Variants in SKOR2 observed in about 807,000 individuals in gnomAD.
SKOR2 encodes the protein SKI family transcriptional corepressor 2, also known as LBX1 corepressor 1-like protein.
SKOR2 carries 47 observed loss-of-function variants against 69.1 expected under a neutral mutation model. The ratio of observed to expected loss-of-function variants is 0.68; its 90% CI spans 0.54 to 0.87. The LOEUF is 0.87. Ranked by LOEUF, SKOR2 falls within the 40% of genes least tolerant of loss-of-function variation. The probability of loss-of-function intolerance (pLI) is 0.00; values close to 1 mark genes in which losing one functional copy is unlikely to be tolerated. For missense variants in SKOR2, 1,404 were observed against 1,472.2 expected, an observed-to-expected ratio of 0.95 and a Z score of 0.76; for synonymous variants, 717 against 672.6, an observed-to-expected ratio of 1.07 and a Z score of -1.02.
At chr18:47,237,740 C>A (rs969869771) in intron 4 of SKOR2, among the ~76,000 whole-genome samples, 1 of 150,134 alleles carries the variant, frequency 6.7e-6, no homozygotes, top group Non-Finnish European at 1.5e-5. Flanking sequence ...CTCTGTTGCC[C>A]AGGCTGGAGT....
chr18:47,232,286 G>C (rs993789239), intron 4 of SKOR2, among the ~76,000 whole-genome samples: 2 of 152,056 alleles, frequency 1.3e-5, no homozygotes, highest in African/African-American at 4.8e-5. Context: ...ACTATATTGC[G>C]CATAAAGGTT....
intron 6 of SKOR2, among the ~76,000 whole-genome samples, chr18:47,228,688 T>C (rs1039295411): frequency 1.8e-4 from 28 of 152,186 alleles, no homozygotes; most frequent in African/African-American, 6.5e-4. Context: ...ATGCCTCTCA[T>C]TGGGGGCAAG....
At chr18:47,227,654 G>C (rs2064183451) in intron 6 of SKOR2, among the ~76,000 whole-genome samples, 2 of 152,188 alleles carry the variant, frequency 1.3e-5, no homozygotes, top group African/African-American at 4.8e-5. Flanking sequence ...TTGGACCCAA[G>C]TTTAGAAATG....
rs775061468 is a variant in SKOR2 at position 47,244,944 on chromosome 18, CAG to C, written c.2714_2715del (p.Ser905Ter). On this transcript the variant is annotated frameshift_variant, in exon 4 of 9. Transcript: ENST00000425639. LOFTEE classifies it high-confidence loss of function. ...CTCCAAAAATCTCCTCCAGAAGCAT[CAG>C]AGTCTGTGATGAAAAAGCTATGCTC... The part of the protein sequence containing the change: ...NKEHSFFITD[S>X]DASGGDFWRE... 5 of 1,535,836 alleles carry C rather than the reference CAG, an allele frequency of 3.3e-6. No individual in the cohort carries two copies. The highest frequency in any genetic ancestry group is 1.7e-4 in the Middle Eastern group (1 of 5,990).
intron 6 of SKOR2, among the ~76,000 whole-genome samples, chr18:47,223,468 C>G (rs1165900327): frequency 6.6e-6 from 1 of 152,112 alleles, no homozygotes; most frequent in Non-Finnish European, 1.5e-5. Context: ...AAAGTTCATA[C>G]CCTTTAACAC....
rs2064274492 is a variant in SKOR2 at position 47,246,601 on chromosome 18, T to A, written c.2583A>T (p.Pro861=). Residue 861 remains proline (P), a synonymous_variant, in exon 2 of 9, where the codon CCA becomes CCT. Transcript: ENST00000425639. ...SSSPGSPVHH[P]SLEEQPSYKD... ...TGTAGGAGGGCTGCTCCTCCAGTGA[T>A]GGATGGTGAACTGGGCTGCCCGGGC... 6.6e-7 allele frequency: 1 copy of A among 1,523,960 alleles called. No individual in the cohort carries two copies. The highest frequency in any genetic ancestry group is 1.4e-5 in the African/African-American group (1 of 71,120). The allele number at this position is 1,523,960 out of a possible 1,614,324, so 94.4% of individuals were successfully genotyped here. A position where few individuals can be genotyped will look rare whatever the true frequency, so the allele number is the denominator to read the frequency against.
intron 6 of SKOR2, among the ~76,000 whole-genome samples, chr18:47,226,820 C>T (rs1041863524): frequency 6.6e-6 from 1 of 152,186 alleles, no homozygotes; most frequent in Non-Finnish European, 1.5e-5. Flanking sequence ...CTCTCCACAA[C>T]CCCAAGAGGT....
rs1248999695 is a variant in SKOR2, at chr18:47,229,924, T to C, written c.2917+535A>G. ...TTCAGAATGGAATTTTAACATTAAA[T>C]ATGGATGGGAAATCTAAAACTACTA... On this transcript the variant is annotated intron_variant, in intron 6 of 8. Transcript: ENST00000425639. 2.0e-5 allele frequency among the ~76,000 whole-genome samples: 3 copies of C among 152,172 alleles called. No homozygotes were observed. In the South Asian group the frequency reaches 6.2e-4, roughly 31 times the overall value.
intron 8 of SKOR2, among the ~76,000 whole-genome samples, chr18:47,207,980 T>C (rs2064117865): frequency 6.6e-6 from 1 of 152,106 alleles, no homozygotes; most frequent in South Asian, 2.1e-4. Flanking sequence ...ACGTGGCCCC[T>C]TTCTGGGAAA....
Position 47,251,356 on chromosome 18 carries a change from G to C in SKOR2, c.-48+18C>G, listed in dbSNP as rs1004364393. Reference sequence around the variant, plus strand: ...AGCAAGCTGTGTGCCGGATTGGGGCGGCCGGTTCCGGCAATACCTGGTAAC... The same window carrying C: ...AGCAAGCTGTGTGCCGGATTGGGGCCGCCGGTTCCGGCAATACCTGGTAAC... On this transcript the variant is annotated intron_variant, in intron 1 of 8. Transcript: ENST00000425639. The C allele has an allele frequency of 2.6e-5, 4 of 152,216 alleles. No individual in the cohort carries two copies. Among genetic ancestry groups the C allele is most frequent in the Non-Finnish European group, 5.9e-5 (4 of 68,068 alleles). 9.4% of individuals were successfully genotyped at this position (152,216 alleles called of 1,614,324 possible). A position where few individuals can be genotyped will look rare whatever the true frequency, so the allele number is the denominator to read the frequency against.
intron 7 of SKOR2, among the ~76,000 whole-genome samples, chr18:47,215,196 A>T (rs1326262612): frequency 6.6e-6 from 1 of 152,210 alleles, no homozygotes; most frequent in Non-Finnish European, 1.5e-5. Context: ...GTCTACTGCT[A>T]GAGAATTTTA....
chr18:47,229,474 T>C (rs1161913158), intron 6 of SKOR2, among the ~76,000 whole-genome samples: 3 of 152,008 alleles, frequency 2.0e-5, no homozygotes, highest in African/African-American at 7.3e-5. Context: ...ACCAATATGG[T>C]GAAACTCTGC....
chr18:47,220,371 T>G (rs1458486356), intron 6 of SKOR2, among the ~76,000 whole-genome samples: 1 of 152,144 alleles, frequency 6.6e-6, no homozygotes, highest in Non-Finnish European at 1.5e-5. Flanking sequence ...CAAGAGTCAG[T>G]AGGGCAGGCC....
rs2064264739 is a variant in SKOR2, at chr18:47,244,952, G to A, written c.2708C>T (p.Thr903Ile). 6.5e-7 allele frequency: 1 copy of A among 1,535,634 alleles called. No homozygotes were observed. Among genetic ancestry groups the A allele is most frequent in the Non-Finnish European group, 8.7e-7 (1 of 1,146,632 alleles). Residue 903 changes from threonine (T) to isoleucine (I), a missense_variant, in exon 4 of 9, where the codon ACA becomes ATA. Physicochemically the swap from Thr to Ile is moderately conservative, Grantham distance 89 (BLOSUM62 -1). Transcript: ENST00000425639. ...DKNKEHSFFITDSDASGGDFW... is the reference protein window; with the variant it reads ...DKNKEHSFFIIDSDASGGDFW... ...ATCTCCTCCAGAAGCATCAGAGTCTGTGATGAAAAAGCTATGCTCCTTGTT... is the reference window on the plus strand; with the variant it reads ...ATCTCCTCCAGAAGCATCAGAGTCTATGATGAAAAAGCTATGCTCCTTGTT...
Position 47,248,450 on chromosome 18 carries a change from G to A in SKOR2, c.734C>T (p.Pro245Leu). The A allele has an allele frequency of 6.5e-7, 1 of 1,535,624 alleles. No homozygotes were observed. The highest frequency in any genetic ancestry group is 8.7e-7 in the Non-Finnish European group (1 of 1,146,478). The change falls in exon 2 of 9, where the codon CCC becomes CTC. Residue 245 changes from proline to leucine, a missense_variant. Pro to Leu is a moderately conservative substitution (Grantham distance 98). Coordinates refer to ENST00000425639, the MANE Select transcript of SKOR2 (RefSeq NM_001278063.4). This position sits in a 1 kb window ranked among gnomAD's most constrained non-coding sequence, Gnocchi z 6.4. ...GCAGGCGGGGTGCGCGCCCGGCTGG[G>A]GCAGTGCGCGCTTGCGGCTGCCGCC... is the stretch of plus-strand genomic sequence containing the variant. ...FNGGSRKRAL[P>L]QPGAHPACHP...
rs1286268922 is a variant in SKOR2 at position 47,247,342 on chromosome 18, G to A, written c.1842C>T (p.Gly614=). 4.1e-6 allele frequency: 6 copies of A among 1,473,256 alleles called. No individual in the cohort carries two copies. Among genetic ancestry groups the A allele is most frequent in the African/African-American group, 1.5e-5 (1 of 68,476 alleles). 91.3% of individuals were successfully genotyped at this position (1,473,256 alleles called of 1,614,324 possible). A position where few individuals can be genotyped will look rare whatever the true frequency, so the allele number is the denominator to read the frequency against. ...HPHLLEGRKA[G]GGSYHHSSAF... ...CGCTGGAATGGTGGTAGCTGCCACC[G>A]CCCGCTTTGCGCCCCTCCAGAAGGT... The change falls in exon 2 of 9, where the codon GGC becomes GGT. Residue 614 remains glycine (G), a synonymous_variant. Coordinates refer to ENST00000425639, the MANE Select transcript of SKOR2 (RefSeq NM_001278063.4). This position sits in a 1 kb window ranked among gnomAD's most constrained non-coding sequence, Gnocchi z 6.6.
At position 47,230,887 on chromosome 18, in the gene SKOR2, G is replaced by A. The variant is rs376656468; in HGVS notation, c.2818+48C>T. 1.5e-4 allele frequency: 229 copies of A among 1,498,146 alleles called. No homozygotes were observed. The African/African-American group carries it at 2.7e-3, about 18-fold the overall frequency. 92.8% of individuals were successfully genotyped at this position (1,498,146 alleles called of 1,614,324 possible). On this transcript the variant is annotated intron_variant, in intron 5 of 8. Transcript: ENST00000425639. ...AAAATATCCTCCTATTATCTCCACA[G>A]TCGTTTAAAGCTAAGAGAAGTTCTA...
intron 6 of SKOR2, among the ~76,000 whole-genome samples, chr18:47,224,364 A>T (rs998870382): frequency 6.6e-6 from 1 of 152,248 alleles, no homozygotes; most frequent in Non-Finnish European, 1.5e-5. Flanking sequence ...ACTGAAGTGC[A>T]GCATGTCAGC....
intron 7 of SKOR2, among the ~76,000 whole-genome samples, chr18:47,219,043 A>G (rs1052683557): frequency 1.3e-5 from 2 of 152,222 alleles, no homozygotes; most frequent in African/African-American, 4.8e-5. Context: ...AAGGAACTAG[A>G]TATCTGGCTC....
Sources: gnomAD v4.1 joint callset for allele counts (sites outside exome capture counted in the v4.1 genomes callset) on GRCh38, gnomAD v4.1.1 for gene constraint, Gnocchi (gnomAD v3.1) non-coding constraint, MANE v1.5 for transcripts, NCBI Gene and HGNC (gene_info 2026-07-23, HGNC 2026-07-21) for gene names.